The following LRP2 variants were observed in gnomAD, a reference collection of about 807,000 sequenced individuals.
LRP2 encodes low-density lipoprotein receptor-related protein 2.
LRP2 carries 172 observed loss-of-function variants against 531.0 expected under a neutral mutation model. That is an observed-to-expected ratio of 0.32 (90% CI 0.29 to 0.37). The LOEUF (loss-of-function observed/expected upper bound fraction) is 0.37, where lower values mean the gene tolerates loss of function less well. LRP2 is among the 10% of genes least tolerant of loss of function. The pLI, the probability that LRP2 is intolerant of heterozygous loss-of-function variation, is 1.00. For synonymous variants in LRP2, 1,992 were observed against 2,027.6 expected (o/e 0.98, Z 0.47); for missense variants, 5,167 against 5,868.3 (o/e 0.88, Z 3.90).
At chr2:169,161,238 T>C (rs1431607881) in intron 63 of LRP2, among the ~76,000 whole-genome samples, 1 of 152,162 alleles carries the variant, frequency 6.6e-6, no homozygotes, top group Non-Finnish European at 1.5e-5. Context: ...TTACTTAAGC[T>C]CTCTGAGCTT....
rs1197182793 is a variant in LRP2 at position 169,139,546 on chromosome 2, T to C, written c.13264A>G (p.Thr4422Ala). 1 of 1,614,104 alleles carries C rather than the reference T, an allele frequency of 6.2e-7. No homozygotes were observed. The highest frequency in any genetic ancestry group is 8.5e-7 in the Non-Finnish European group (1 of 1,180,022). The change falls in exon 73 of 79, where the codon ACA becomes GCA. Residue 4422 changes from threonine to alanine, a missense_variant. This residue lies in a region of LRP2 where 348 missense variants were observed against 369.3 expected (regional missense o/e 0.94). Transcript: ENST00000649046. ...MAFSKGISPG[T>A]TAVAVLLTIL... ...TGCTCACATTCTTAAAACTTACTTGTTCCTGGAGAGATGCCTTTTGAAAAC... is the reference window on the plus strand; with the variant it reads ...TGCTCACATTCTTAAAACTTACTTGCTCCTGGAGAGATGCCTTTTGAAAAC...
At chr2:169,174,903 C>T (rs1321599389) in intron 55 of LRP2, among the ~76,000 whole-genome samples, 1 of 148,640 alleles carries the variant, frequency 6.7e-6, no homozygotes, top group East Asian at 2.0e-4. Flanking sequence ...CTCTCGTTTC[C>T]TCCTCAATGT....
rs538785896 is a variant in LRP2, at chr2:169,303,953, TATA to T, written c.427+3325_427+3327del. 3.5e-3 allele frequency among the ~76,000 whole-genome samples: 530 copies of T among 152,312 alleles called. 4 individuals carry two copies. Among genetic ancestry groups the T allele is most frequent in the African/African-American group, 0.012 (499 of 41,566 alleles). ...ACTTGATTAAAAATTCCTGCCCAGA[TATA>T]ATAACTTACAAAGCTCATTTCCTCT... On this transcript the variant is annotated intron_variant, in intron 4 of 78. Coordinates refer to ENST00000649046, the MANE Select transcript of LRP2 (RefSeq NM_004525.3).
chr2:169,314,331 A>G (rs1022071987), intron 3 of LRP2, among the ~76,000 whole-genome samples: 1 of 152,016 alleles, frequency 6.6e-6, no homozygotes, highest in Non-Finnish European at 1.5e-5. Flanking sequence ...GGATCACTTG[A>G]GCCAAAAAAA....
At chr2:169,155,105 A>G (rs1272952660) in intron 65 of LRP2, among the ~76,000 whole-genome samples, 4 of 152,198 alleles carry the variant, frequency 2.6e-5, no homozygotes, top group Non-Finnish European at 5.9e-5. Flanking sequence ...AGCTAATGAC[A>G]AAATAAACCT....
chr2:169,238,438 G>A lies in LRP2; in HGVS notation c.4295-136C>T, dbSNP rs546088006. ...AAACTATAGTAAGTTGGTGGGGAGG[G>A]GAGGAAGCCCCATATGAATGATTTT... is the stretch of plus-strand genomic sequence containing the variant. On this transcript the variant is annotated intron_variant, in intron 26 of 78. Coordinates refer to ENST00000649046, the MANE Select transcript of LRP2 (RefSeq NM_004525.3). The A allele has an allele frequency of 3.8e-5, 26 of 676,028 alleles. No individual in the cohort carries two copies. The South Asian group carries it at 4.3e-4, about 11-fold the overall frequency. The allele number at this position is 676,028 out of a possible 1,614,324, so 41.9% of individuals were successfully genotyped here.
chr2:169,166,124 T>G (rs1047809185), intron 61 of LRP2, 70 bp from the exon 62 acceptor site: 24 of 1,531,200 alleles, frequency 1.6e-5, no homozygotes, highest in Non-Finnish European at 2.1e-5. Flanking sequence ...TCTAAAATAC[T>G]CCAGTGTCAG....
intron 3 of LRP2, among the ~76,000 whole-genome samples, chr2:169,312,869 T>C (rs772590456): frequency 6.6e-6 from 1 of 152,236 alleles, no homozygotes; most frequent in Non-Finnish European, 1.5e-5. Flanking sequence ...TCGTTTCACA[T>C]AGTCCCATAT....
intron 1 of LRP2, among the ~76,000 whole-genome samples, chr2:169,329,362 G>A (rs949018056): frequency 3.3e-5 from 5 of 152,130 alleles, no homozygotes; most frequent in African/African-American, 7.2e-5. Context: ...GGCCAACATG[G>A]TGAAACCTGT....
chr2:169,198,665 TAGA>T, intron 45 of LRP2, 118 bp downstream of exon 45: 1 of 1,194,422 alleles, frequency 8.4e-7, no homozygotes, highest in Non-Finnish European at 1.2e-6. Flanking sequence ...CACCTCTACT[TAGA>T]AGGTCAATGT....
intron 77 of LRP2, among the ~76,000 whole-genome samples, chr2:169,131,929 C>A (rs1400226607): frequency 6.6e-6 from 1 of 152,158 alleles, no homozygotes; most frequent in Non-Finnish European, 1.5e-5. Flanking sequence ...TATTGAATTT[C>A]TTCCTGCAGA....
chr2:169,235,100 T>C (rs1574162649), intron 29 of LRP2, among the ~76,000 whole-genome samples: 1 of 151,800 alleles, frequency 6.6e-6, no homozygotes. Context: ...TTTGTAGAAA[T>C]GGGGTTTTGC....
At chr2:169,221,619 C>T (rs1005660616) in intron 33 of LRP2, among the ~76,000 whole-genome samples, 2 of 152,208 alleles carry the variant, frequency 1.3e-5, no homozygotes, top group African/African-American at 4.8e-5. Context: ...CTTTTCAATA[C>T]AAATAGATTA....
intron 63 of LRP2, among the ~76,000 whole-genome samples, chr2:169,157,895 A>C (rs1237982473): frequency 6.8e-6 from 1 of 146,670 alleles, no homozygotes; most frequent in Non-Finnish European, 1.5e-5. Flanking sequence ...TAGATGATAG[A>C]TCGATAGATA....
At chr2:169,258,377 T>C (rs1056287788) in intron 17 of LRP2, among the ~76,000 whole-genome samples, 1 of 152,158 alleles carries the variant, frequency 6.6e-6, no homozygotes, top group Non-Finnish European at 1.5e-5. Context: ...AGAACAGGTA[T>C]GGATGTTCCC....
chr2:169,224,261 C>T (rs1190191992), intron 33 of LRP2, among the ~76,000 whole-genome samples: 2 of 152,164 alleles, frequency 1.3e-5, no homozygotes, highest in Non-Finnish European at 2.9e-5. Context: ...GCTAACTATC[C>T]CCCTCCAAAA....
At chr2:169,298,792 CCAGGACAAA>C (rs916582536) in intron 4 of LRP2, among the ~76,000 whole-genome samples, 4 of 151,596 alleles carry the variant, frequency 2.6e-5, no homozygotes, top group African/African-American at 9.7e-5. Flanking sequence ...AGAAGGAGTA[CCAGGACAAA>C]CAGGAGAGTC....
chr2:169,173,678 T>C (rs991326783), intron 56 of LRP2, among the ~76,000 whole-genome samples: 1 of 152,224 alleles, frequency 6.6e-6, no homozygotes, highest in African/African-American at 2.4e-5. Flanking sequence ...TATCATATTC[T>C]GGTTGGTTAG....
At chr2:169,312,876 A>G (rs1440913125) in intron 3 of LRP2, among the ~76,000 whole-genome samples, 1 of 152,100 alleles carries the variant, frequency 6.6e-6, no homozygotes, top group African/African-American at 2.4e-5. Flanking sequence ...ACATAGTCCC[A>G]TATTTCTTGG....
Sources: allele counts gnomAD v4.1 joint callset (sites outside exome capture counted in the v4.1 genomes callset), GRCh38; gene constraint gnomAD v4.1.1; regional missense constraint gnomAD v4.1.1; transcripts MANE v1.5; gene names NCBI Gene and HGNC (gene_info 2026-07-23, HGNC 2026-07-21).